The following CNTN4 variants were observed in gnomAD, a reference collection of about 807,000 sequenced individuals.
CNTN4 encodes contactin 4, also known as contactin-4.
In CNTN4, 77 loss-of-function variants were observed where a neutral mutation model predicts 122.5. The ratio of observed to expected loss-of-function variants is 0.63; its 90% CI spans 0.52 to 0.76. The LOEUF (loss-of-function observed/expected upper bound fraction) is 0.76, where lower values mean the gene tolerates loss of function less well. Among genes scored for constraint, CNTN4 ranks in the 30% least tolerant of loss-of-function variants. The pLI is 0.00. For synonymous variants in CNTN4, 512 were observed against 447.0 expected (o/e 1.15, Z -1.83); for missense variants, 1,256 against 1,259.1 (o/e 1.00, Z 0.04).
chr3:2,274,578 C>T (rs528765191), intron 2 of CNTN4, among the ~76,000 whole-genome samples: 1 of 152,114 alleles, frequency 6.6e-6, no homozygotes, highest in South Asian at 2.1e-4. Flanking sequence ...TGCTAACAAC[C>T]AATGAATCAC....
intron 4 of CNTN4, among the ~76,000 whole-genome samples, chr3:2,666,568 C>T (rs1322568949): frequency 6.6e-6 from 1 of 151,378 alleles, no homozygotes; most frequent in African/African-American, 2.4e-5. Context: ...GTAATTTTAT[C>T]ATAAGGAATA....
intron 2 of CNTN4, among the ~76,000 whole-genome samples, chr3:2,161,162 G>A (rs1006860001): frequency 2.6e-5 from 4 of 152,188 alleles, no homozygotes; most frequent in Admixed American, 1.3e-4. Context: ...GGAAGCAGAA[G>A]TCATTGAAAT....
chr3:2,126,774 G>A (rs2034194781), intron 2 of CNTN4, among the ~76,000 whole-genome samples: 1 of 152,138 alleles, frequency 6.6e-6, no homozygotes, highest in South Asian at 2.1e-4. Flanking sequence ...CCTCCTTTGT[G>A]TGCAAGCAAT....
intron 3 of CNTN4, among the ~76,000 whole-genome samples, chr3:2,541,921 G>A (rs2078046609): frequency 6.6e-6 from 1 of 152,074 alleles, no homozygotes; most frequent in Non-Finnish European, 1.5e-5. Context: ...CTGTGGAACT[G>A]AGTTGTGAAA....
At chr3:2,214,434 T>TTATA (rs1197451374) in intron 2 of CNTN4, among the ~76,000 whole-genome samples, 1 of 152,188 alleles carries the variant, frequency 6.6e-6, no homozygotes, top group Non-Finnish European at 1.5e-5. Flanking sequence ...ATATTGAGTT[T>TTATA]TTATAAATGT....
chr3:2,667,849 A>T (rs1175737336), intron 4 of CNTN4, among the ~76,000 whole-genome samples: 1 of 152,040 alleles, frequency 6.6e-6, no homozygotes, highest in South Asian at 2.1e-4. Flanking sequence ...TAAACAGGGA[A>T]TCCTTTGCCC....
In CNTN4 at chr3:2,988,361, G is replaced by C; in HGVS notation, c.1375G>C (p.Asp459His). 1 of 1,613,668 alleles carries C rather than the reference G, an allele frequency of 6.2e-7. No homozygotes were observed. Among genetic ancestry groups the C allele is most frequent in the Non-Finnish European group, 8.5e-7 (1 of 1,179,732 alleles). The change falls in exon 14 of 25, where the codon GAT becomes CAT. Residue 459 changes from aspartate to histidine, a missense_variant. Asp to His is a moderately conservative substitution (Grantham distance 81, BLOSUM62 -1). Coordinates refer to ENST00000418658, the MANE Select transcript of CNTN4 (RefSeq NM_175607.3). Reference protein sequence around the residue: ...KENERITISEDGNLRIINVTK... With the variant: ...KENERITISEHGNLRIINVTK... Reference sequence around the variant, plus strand: ...TGATTTCAGAATTACCATTTCTGAAGATGGAAACCTCAGAATCATCAACGT... The same window carrying C: ...TGATTTCAGAATTACCATTTCTGAACATGGAAACCTCAGAATCATCAACGT...
chr3:2,532,628 G>A (rs1205431547), intron 3 of CNTN4, among the ~76,000 whole-genome samples: 1 of 151,944 alleles, frequency 6.6e-6, no homozygotes, highest in African/African-American at 2.4e-5. Flanking sequence ...GGAAGAAAAG[G>A]AAACCAAAAA....
chr3:2,844,177 C>T (rs2093415408), intron 7 of CNTN4, among the ~76,000 whole-genome samples: 1 of 152,212 alleles, frequency 6.6e-6, no homozygotes, highest in African/African-American at 2.4e-5. Context: ...CAAATCTCTG[C>T]TCATTTCCAC....
chr3:2,368,975 A>C (rs2045524556), intron 3 of CNTN4, among the ~76,000 whole-genome samples: 1 of 152,140 alleles, frequency 6.6e-6, no homozygotes, highest in Non-Finnish European at 1.5e-5. Flanking sequence ...CCCAGGTTGG[A>C]GTGCAGTGGC....
At chr3:2,325,597 C>T (rs1257799234) in intron 2 of CNTN4, among the ~76,000 whole-genome samples, 3 of 152,186 alleles carry the variant, frequency 2.0e-5, no homozygotes, top group Admixed American at 6.5e-5. Flanking sequence ...TCAAGCCCTC[C>T]AGTGGATGTT....
At chr3:2,485,918 A>C (rs983891886) in intron 3 of CNTN4, among the ~76,000 whole-genome samples, 1 of 152,190 alleles carries the variant, frequency 6.6e-6, no homozygotes, top group Non-Finnish European at 1.5e-5. Flanking sequence ...AGGGAATAAA[A>C]GCAGGCTGCC....
chr3:2,232,331 G>C (rs531496514), intron 2 of CNTN4, among the ~76,000 whole-genome samples: 3 of 152,134 alleles, frequency 2.0e-5, no homozygotes, highest in Admixed American at 6.5e-5. Flanking sequence ...TAACAGTCAA[G>C]TATCTCTAGC....
chr3:2,701,710 T>G (rs1341234829), intron 4 of CNTN4, among the ~76,000 whole-genome samples: 1 of 152,162 alleles, frequency 6.6e-6, no homozygotes, highest in Non-Finnish European at 1.5e-5. Context: ...GGTTAATGAC[T>G]TAGGAAGTCA....
At chr3:2,538,630 A>G (rs765911923) in intron 3 of CNTN4, among the ~76,000 whole-genome samples, 20 of 152,026 alleles carry the variant, frequency 1.3e-4, no homozygotes, top group Non-Finnish European at 2.1e-4. Flanking sequence ...ATTTGAAGCT[A>G]TTGATTGTAC....
Position 2,988,429 on chromosome 3 carries a change from C to CTG in CNTN4, c.1443_1444insTG (p.His482CysfsTer13). 6.2e-7 allele frequency: 1 copy of CTG among 1,613,730 alleles called. No homozygotes were observed. The highest frequency in any genetic ancestry group is 8.5e-7 in the Non-Finnish European group (1 of 1,179,758). ...GGAGTTATACCTGTATAGCCACTAA[C>CTG]CATTTTGGAACTGCTAGCAGTACTG... On this transcript the variant is annotated frameshift_variant, in exon 14 of 25. Transcript: ENST00000418658. LOFTEE classifies it high-confidence loss of function.
At chr3:2,963,040 A>G (rs1559725282) in intron 13 of CNTN4, among the ~76,000 whole-genome samples, 1 of 152,138 alleles carries the variant, frequency 6.6e-6, no homozygotes, top group Admixed American at 6.5e-5. Context: ...GATGCCGTAT[A>G]TCTATTAATG....
In CNTN4 at chr3:2,691,599, G is replaced by A. The variant is rs1256683102; in HGVS notation, c.56-44616G>A. Among the ~76,000 whole-genome samples the A allele has an allele frequency of 3.3e-5, 5 of 152,110 alleles. No homozygotes were observed. The East Asian group carries it at 5.8e-4, about 18-fold the overall frequency. On this transcript the variant is annotated intron_variant, in intron 4 of 24. Transcript: ENST00000418658. The stretch of plus-strand genomic sequence containing the variant: ...AAGTAATAGAAGCTATTAATTGCAG[G>A]ATCTAGTCCTTGCACAATAATATTT...
intron 4 of CNTN4, among the ~76,000 whole-genome samples, chr3:2,655,104 C>G (rs907495042): frequency 2.6e-5 from 4 of 152,118 alleles, no homozygotes; most frequent in Non-Finnish European, 4.4e-5. Flanking sequence ...GGGTCCCACC[C>G]TATAAGTGAT....
Sources: allele counts gnomAD v4.1 joint callset (sites outside exome capture counted in the v4.1 genomes callset), GRCh38; gene constraint gnomAD v4.1.1; transcripts MANE v1.5; gene names NCBI Gene and HGNC (gene_info 2026-07-23, HGNC 2026-07-21).